The following FRMPD2 variants were observed in gnomAD, a reference collection of about 807,000 sequenced individuals.
FRMPD2 encodes the protein FERM and PDZ domain containing 2.
In FRMPD2, 96 loss-of-function variants were observed where a neutral mutation model predicts 140.1. That is an observed-to-expected ratio of 0.69 (90% CI 0.58 to 0.81). The LOEUF (loss-of-function observed/expected upper bound fraction) is 0.81. Ranked by LOEUF, FRMPD2 falls within the 40% of genes least tolerant of loss-of-function variation. The pLI, the probability that FRMPD2 is intolerant of heterozygous loss-of-function variation, is 0.00. For missense variants in FRMPD2, 1,240 were observed against 1,447.4 expected (o/e 0.86, Z 2.32); for synonymous variants, 449 against 547.6 (o/e 0.82, Z 2.52).
Position 48,241,775 on chromosome 10 carries a change from C to T in FRMPD2, c.567+386G>A, listed in dbSNP as rs139770519. Reference sequence around the variant, plus strand: ...GGAGGGTACCCAGGGACCACAAAAACGAAGTCGGGGAAGGCTTCTGTGCAG... The same window carrying T: ...GGAGGGTACCCAGGGACCACAAAAATGAAGTCGGGGAAGGCTTCTGTGCAG... On this transcript the variant is annotated intron_variant, in intron 5 of 28. Transcript: ENST00000374201. 3.0e-4 allele frequency among the ~76,000 whole-genome samples: 46 copies of T among 152,280 alleles called. No individual in the cohort carries two copies. In the East Asian group the frequency reaches 8.1e-3, roughly 27 times the overall value.
chr10:48,242,854 C>T (rs575262175), intron 4 of FRMPD2, among the ~76,000 whole-genome samples: 26 of 152,312 alleles, frequency 1.7e-4, no homozygotes, highest in Admixed American at 1.0e-3. Context: ...AATGCTCAAT[C>T]GTTGTTGGTT....
intron 10 of FRMPD2, among the ~76,000 whole-genome samples, chr10:48,224,744 C>T (rs1370006878): frequency 2.0e-5 from 3 of 152,154 alleles, no homozygotes; most frequent in Non-Finnish European, 2.9e-5. Flanking sequence ...GGGAGGGGCT[C>T]AGGATGGCCA....
At chr10:48,202,478 C>T (rs1229834923) in intron 14 of FRMPD2, among the ~76,000 whole-genome samples, 6 of 152,224 alleles carry the variant, frequency 3.9e-5, no homozygotes, top group African/African-American at 9.6e-5. Flanking sequence ...ATAAGTTTCT[C>T]ATTCTCTGTA....
intron 1 of FRMPD2, among the ~76,000 whole-genome samples, chr10:48,264,866 G>T (rs898404470): frequency 6.6e-6 from 1 of 151,930 alleles, no homozygotes; most frequent in Non-Finnish European, 1.5e-5. Context: ...AAAGTTGTAG[G>T]ACTGATCCAA....
chr10:48,179,534 A>C (rs1447557764), intron 21 of FRMPD2, among the ~76,000 whole-genome samples: 1 of 151,282 alleles, frequency 6.6e-6, no homozygotes, highest in South Asian at 2.1e-4. Context: ...TTCTTCATCA[A>C]ATATACTCAG....
chr10:48,221,615 TA>T (rs1327258725), intron 12 of FRMPD2, among the ~76,000 whole-genome samples: 5 of 152,208 alleles, frequency 3.3e-5, no homozygotes, highest in Admixed American at 6.5e-5. Context: ...AAATAAATTT[TA>T]AAAATAAAGG....
chr10:48,233,052 T>G (rs982429488), intron 9 of FRMPD2, among the ~76,000 whole-genome samples: 1 of 152,174 alleles, frequency 6.6e-6, no homozygotes, highest in Non-Finnish European at 1.5e-5. Context: ...TCTGGAGCCC[T>G]TGTCTGTGGC....
At chr10:48,256,222 C>T (rs1013134072) in intron 1 of FRMPD2, among the ~76,000 whole-genome samples, 1 of 152,166 alleles carries the variant, frequency 6.6e-6, no homozygotes, top group African/African-American at 2.4e-5. Flanking sequence ...CCTGCCCCCC[C>T]ACCCAGGAAG....
chr10:48,190,922 T>C (rs1838813898), intron 16 of FRMPD2, among the ~76,000 whole-genome samples: 1 of 152,316 alleles, frequency 6.6e-6, no homozygotes, highest in East Asian at 1.9e-4. Context: ...AGTCATGGCT[T>C]CTTCTGCCTT....
intron 1 of FRMPD2, among the ~76,000 whole-genome samples, chr10:48,264,444 C>T (rs986915484): frequency 6.6e-6 from 1 of 151,990 alleles, no homozygotes; most frequent in Non-Finnish European, 1.5e-5. Context: ...GGACAAAAGG[C>T]TAATACACAA....
chr10:48,255,328 C>T (rs148423289), intron 1 of FRMPD2, among the ~76,000 whole-genome samples: 1 of 152,314 alleles, frequency 6.6e-6, no homozygotes, highest in African/African-American at 2.4e-5. Flanking sequence ...TGGCCTTAGC[C>T]TGTAGCAGCC....
intron 9 of FRMPD2, 95 bp downstream of exon 9, chr10:48,236,387 C>A: frequency 1.0e-6 from 1 of 995,582 alleles, no homozygotes; most frequent in Non-Finnish European, 1.6e-6. Flanking sequence ...CTGGGGTGTT[C>A]CCATGTGAGA....
chr10:48,238,167 G>C, intron 7 of FRMPD2, 44 bp from the exon 8 acceptor site: 1 of 1,588,536 alleles, frequency 6.3e-7, no homozygotes, highest in Non-Finnish European at 8.5e-7. Context: ...GCAATGGCAA[G>C]GGCTTCCATG....
chr10:48,242,119 T>A, intron 5 of FRMPD2, 42 bp downstream of exon 5: 2 of 1,404,290 alleles, frequency 1.4e-6, no homozygotes. Flanking sequence ...TAGCCACACA[T>A]GACCAGCAGC....
rs1393232291 is a variant in FRMPD2, at chr10:48,222,338, G to A, written c.1430C>T (p.Ala477Val). 1 of 1,614,120 alleles carries A rather than the reference G, an allele frequency of 6.2e-7. No individual in the cohort carries two copies. ...CTCCTTAGGGTAATTGCCAAACTCA[G>A]CCTGCAAGGCAAGGACCCCCAGCTG... Reference protein sequence around the residue: ...LLQLGVLALQAEFGNYPKEQV... With the variant: ...LLQLGVLALQVEFGNYPKEQV... Residue 477 changes from alanine to valine, a missense_variant, in exon 12 of 29, where the codon GCT (alanine) becomes GTT (valine). Physicochemically the swap from Ala to Val is moderately conservative, Grantham distance 64 (BLOSUM62 0). Around this residue, in one of 6 missense-constraint regions of FRMPD2, gnomAD observed 1,161 missense variants for 1,055.9 expected, o/e 1.10. Coordinates refer to ENST00000374201, the MANE Select transcript of FRMPD2 (RefSeq NM_001018071.4).
intron 22 of FRMPD2, among the ~76,000 whole-genome samples, chr10:48,176,902 G>A (rs1247810399): frequency 1.3e-5 from 2 of 151,992 alleles, no homozygotes; most frequent in Admixed American, 1.3e-4. Flanking sequence ...ACATATTCTT[G>A]CTCTAGGTAC....
intron 1 of FRMPD2, among the ~76,000 whole-genome samples, chr10:48,272,546 C>T (rs1840788400): frequency 6.6e-6 from 1 of 152,204 alleles, no homozygotes; most frequent in Non-Finnish European, 1.5e-5. Flanking sequence ...TGCTGGTGCA[C>T]AGCCCTTCCA....
intron 10 of FRMPD2, among the ~76,000 whole-genome samples, chr10:48,227,597 G>GTATC (rs1554797133): frequency 6.6e-6 from 1 of 152,126 alleles, no homozygotes; most frequent in Non-Finnish European, 1.5e-5. Context: ...GAAGCCTCTC[G>GTATC]TATCCATGGT....
intron 9 of FRMPD2, among the ~76,000 whole-genome samples, chr10:48,233,452 C>T (rs914169429): frequency 1.1e-4 from 16 of 152,138 alleles, no homozygotes; most frequent in Admixed American, 2.6e-4. Context: ...GGTGATTTTG[C>T]GAGAGCCAGG....
Sources: gnomAD v4.1 joint callset for allele counts (sites outside exome capture counted in the v4.1 genomes callset) on GRCh38, gnomAD v4.1.1 for gene constraint, gnomAD v4.1.1 regional missense constraint, MANE v1.5 for transcripts, NCBI Gene and HGNC (gene_info 2026-07-23, HGNC 2026-07-21) for gene names.